Variants in SIRPG observed in about 807,000 individuals in gnomAD.
SIRPG encodes the protein signal regulatory protein gamma, also known as signal-regulatory protein gamma.
In SIRPG, 38 loss-of-function variants were observed where a neutral mutation model predicts 35.7. The observed-to-expected ratio is 1.06, with a 90% CI of 0.82 to 1.40. The LOEUF is 1.40. Ranked by LOEUF, SIRPG falls within the 40% of genes most tolerant of loss-of-function variation. The pLI is 0.00. For missense variants in SIRPG, 519 were observed against 483.0 expected, an observed-to-expected ratio of 1.07 and a Z score of -0.70; for synonymous variants, 215 against 190.4, an observed-to-expected ratio of 1.13 and a Z score of -1.06.
chr20:1,636,617 A>C, intron 2 of SIRPG, 112 bp from the exon 3 acceptor site: 1 of 1,183,016 alleles, frequency 8.5e-7, no homozygotes. Context: ...TCCTTCTAAT[A>C]ATGTGGAGAG....
At chr20:1,642,477 G>T (rs1296012397) in intron 2 of SIRPG, among the ~76,000 whole-genome samples, 1 of 152,124 alleles carries the variant, frequency 6.6e-6, no homozygotes, top group Non-Finnish European at 1.5e-5. Flanking sequence ...CATGTGAGAT[G>T]GGTCTCCTAA....
the SIRPG span, among the ~76,000 whole-genome samples, chr20:1,669,582 G>A: frequency 1.3e-5 from 2 of 152,176 alleles, no homozygotes; most frequent in African/African-American, 2.4e-5. Flanking sequence ...ACAAAAATGA[G>A]TCAGAGAAAG....
At chr20:1,641,350 G>A (rs749911898) in intron 2 of SIRPG, among the ~76,000 whole-genome samples, 1 of 152,132 alleles carries the variant, frequency 6.6e-6, no homozygotes, top group South Asian at 2.1e-4. Context: ...GGGTGTATGT[G>A]TACAGGAATT....
At chr20:1,644,509 A>G (rs1422704812) in intron 2 of SIRPG, among the ~76,000 whole-genome samples, 2 of 152,180 alleles carry the variant, frequency 1.3e-5, no homozygotes, top group African/African-American at 2.4e-5. Flanking sequence ...ATCAGTCCCA[A>G]TGCTGGCTGC....
chr20:1,670,670 C>T, the SIRPG span, among the ~76,000 whole-genome samples: 4 of 152,178 alleles, frequency 2.6e-5, no homozygotes, highest in African/African-American at 9.7e-5. Flanking sequence ...ATCTATCTAT[C>T]TAGCACAGAT....
intron 1 of SIRPG, among the ~76,000 whole-genome samples, chr20:1,656,043 A>C (rs1051603022): frequency 6.6e-6 from 1 of 152,236 alleles, no homozygotes; most frequent in Admixed American, 6.5e-5. Context: ...TAAAAATCTC[A>C]GTAAAATATT....
chr20:1,659,837 C>A (rs2091991554), upstream of SIRPG, among the ~76,000 whole-genome samples: 1 of 152,194 alleles, frequency 6.6e-6, no homozygotes, highest in Admixed American at 6.5e-5. Context: ...GAGGCTGGGG[C>A]AGGTGCCATG....
intron 1 of SIRPG, 124 bp downstream of exon 1, chr20:1,657,518 G>C: frequency 1.1e-6 from 1 of 939,834 alleles, no homozygotes; most frequent in Admixed American, 2.1e-5. Flanking sequence ...TCTGCTCTTG[G>C]ACAATGTCCA....
intron 2 of SIRPG, among the ~76,000 whole-genome samples, chr20:1,639,125 G>C (rs746510116): frequency 2.6e-5 from 4 of 151,948 alleles, no homozygotes; most frequent in Non-Finnish European, 5.9e-5. Flanking sequence ...TATTCCTTTG[G>C]TTACATACCC....
chr20:1,638,364 G>A (rs533446151), intron 2 of SIRPG: 17 of 150,998 alleles, frequency 1.1e-4, no homozygotes, highest in African/African-American at 3.9e-4. Context: ...CTGTTATCAA[G>A]AGGTTTGGTC....
chr20:1,649,051 C>A lies in SIRPG; in HGVS notation c.430+1G>T. ...ATGAGGGAGGTCCATGTTGTACTCACCACCCAAAGCCATCTCAGTGCCTGG... is the reference window on the plus strand; with the variant it reads ...ATGAGGGAGGTCCATGTTGTACTCAACACCCAAAGCCATCTCAGTGCCTGG... On this transcript the variant is annotated splice_donor_variant, in intron 2 of 5. Transcript: ENST00000303415. LOFTEE classifies it high-confidence loss of function. 6.2e-7 allele frequency: 1 copy of A among 1,612,924 alleles called. No individual in the cohort carries two copies. Among genetic ancestry groups the A allele is most frequent in the Non-Finnish European group, 8.5e-7 (1 of 1,179,182 alleles).
intron 4 of SIRPG, 84 bp from the exon 5 acceptor site, chr20:1,630,390 T>A (rs2091740736): frequency 9.4e-7 from 1 of 1,063,674 alleles, no homozygotes; most frequent in Non-Finnish European, 1.4e-6. Flanking sequence ...CATCTGAGGC[T>A]GCCTGGGCCC....
intron 2 of SIRPG, chr20:1,648,289 AG>A (rs1254181261): frequency 6.6e-6 from 1 of 152,252 alleles, no homozygotes; most frequent in Non-Finnish European, 1.5e-5. Flanking sequence ...CAGAGCCCAC[AG>A]TGACTGTATG....
intron 2 of SIRPG, chr20:1,648,229 A>G (rs371329936): frequency 7.9e-5 from 12 of 152,234 alleles, no homozygotes; most frequent in East Asian, 7.7e-4. Context: ...ACCCATACGT[A>G]TGACCTCTTT....
rs941964478 is a variant in SIRPG, at chr20:1,639,938, C to T, written c.431-3433G>A. ...TGAAGATCAGATGGTTGTAAATGTA[C>T]AGCATTATTTCTGAGGTCTCCGTTC... On this transcript the variant is annotated intron_variant, in intron 2 of 5. Coordinates refer to ENST00000303415, the MANE Select transcript of SIRPG (RefSeq NM_018556.4). Among the ~76,000 whole-genome samples the T allele has an allele frequency of 5.9e-5, 9 of 152,050 alleles. 1 individual carries two copies. Among genetic ancestry groups the T allele is most frequent in the African/African-American group, 1.9e-4 (8 of 41,386 alleles).
At chr20:1,661,998 G>C (rs2091997247), upstream of SIRPG, among the ~76,000 whole-genome samples, 1 of 152,202 alleles carries the variant, frequency 6.6e-6, no homozygotes, top group Non-Finnish European at 1.5e-5. Context: ...AGGGCTTGTG[G>C]CTGTAGCAGC....
At chr20:1,673,333 T>A in the SIRPG span, among the ~76,000 whole-genome samples, 1 of 150,774 alleles carries the variant, frequency 6.6e-6, no homozygotes, top group African/African-American at 2.4e-5. Flanking sequence ...TGTGAGGGGG[T>A]CCTAATGTGA....
chr20:1,683,024 A>T, the SIRPG span, among the ~76,000 whole-genome samples: 1 of 152,220 alleles, frequency 6.6e-6, no homozygotes, highest in Non-Finnish European at 1.5e-5. Context: ...TACACAAAAC[A>T]TATAAAGAAC....
At chr20:1,643,984 G>T (rs1312891012) in intron 2 of SIRPG, among the ~76,000 whole-genome samples, 1 of 152,174 alleles carries the variant, frequency 6.6e-6, no homozygotes, top group Non-Finnish European at 1.5e-5. Flanking sequence ...CTGATCTAAT[G>T]CCAGTAGGAG....
Sources: allele counts gnomAD v4.1 joint callset (sites outside exome capture counted in the v4.1 genomes callset), GRCh38; gene constraint gnomAD v4.1.1; transcripts MANE v1.5; gene names NCBI Gene and HGNC (gene_info 2026-07-23, HGNC 2026-07-21).